The following RHOBTB1 variants were observed in gnomAD, a reference collection of about 807,000 sequenced individuals.
RHOBTB1 encodes the protein Rho related BTB domain containing 1.
A neutral mutation model predicts 71.6 loss-of-function variants in RHOBTB1; 40 were observed. The ratio of observed to expected loss-of-function variants is 0.56; its 90% CI spans 0.43 to 0.73. RHOBTB1 has a LOEUF of 0.73. RHOBTB1 is among the 30% of genes least tolerant of loss of function. The pLI is 0.00. For synonymous variants in RHOBTB1, 319 were observed against 334.9 expected, an observed-to-expected ratio of 0.95 and a Z score of 0.52; for missense variants, 797 against 894.0, an observed-to-expected ratio of 0.89 and a Z score of 1.38.
chr10:60,995,393 C>T (rs947527119), intron 1 of RHOBTB1, among the ~76,000 whole-genome samples: 26 of 152,156 alleles, frequency 1.7e-4, no homozygotes, highest in Admixed American at 1.7e-3. Context: ...AGTCTGGCTC[C>T]AGAGCACCCA....
intron 2 of RHOBTB1, among the ~76,000 whole-genome samples, chr10:60,916,660 C>A (rs1049851416): frequency 4.6e-5 from 7 of 152,178 alleles, no homozygotes; most frequent in Admixed American, 2.6e-4. Context: ...TCTTTACAGT[C>A]GCCCTCAATT....
chr10:60,889,296 CT>C, intron 5 of RHOBTB1, 111 bp from the exon 6 acceptor site: 1 of 1,109,532 alleles, frequency 9.0e-7, no homozygotes, highest in Non-Finnish European at 1.2e-6. Context: ...TCCAGTCAGG[CT>C]TTTAGTCTCT....
intron 1 of RHOBTB1, among the ~76,000 whole-genome samples, chr10:60,987,508 G>A (rs1195016425): frequency 6.6e-6 from 1 of 152,036 alleles, no homozygotes; most frequent in Admixed American, 6.6e-5. Flanking sequence ...CATACAAAAA[G>A]CCCTATTTCC....
intron 2 of RHOBTB1, among the ~76,000 whole-genome samples, chr10:60,914,182 A>G (rs978268095): frequency 5.3e-5 from 8 of 152,224 alleles, no homozygotes; most frequent in African/African-American, 9.7e-5. Flanking sequence ...AAGAAGACAG[A>G]AAAAGTTTTG....
chr10:60,915,436 G>A (rs2083218341), intron 2 of RHOBTB1, among the ~76,000 whole-genome samples: 1 of 151,812 alleles, frequency 6.6e-6, no homozygotes, highest in Admixed American at 6.6e-5. Flanking sequence ...AGACAAGGAA[G>A]GTAGAAAGAA....
intron 4 of RHOBTB1, among the ~76,000 whole-genome samples, chr10:60,903,358 T>C (rs527914231): frequency 6.6e-6 from 1 of 152,224 alleles, no homozygotes; most frequent in African/African-American, 2.4e-5. Context: ...GAATGGAGTC[T>C]CATGCCCATG....
intron 2 of RHOBTB1, among the ~76,000 whole-genome samples, chr10:60,949,773 C>G (rs2085351617): frequency 6.6e-6 from 1 of 150,416 alleles, no homozygotes; most frequent in Non-Finnish European, 1.5e-5. Context: ...TATGATTACC[C>G]ATTTAAAGAC....
chr10:60,914,679 C>T (rs553405665), intron 2 of RHOBTB1, among the ~76,000 whole-genome samples: 4 of 152,282 alleles, frequency 2.6e-5, no homozygotes, highest in South Asian at 4.1e-4. Flanking sequence ...ATGGCTGTGT[C>T]GCTTTCACTG....
At chr10:60,883,990 T>G (rs1351097171) in intron 7 of RHOBTB1, among the ~76,000 whole-genome samples, 3 of 152,150 alleles carry the variant, frequency 2.0e-5, no homozygotes, top group Non-Finnish European at 4.4e-5. Context: ...TCAGGAGAGA[T>G]TTTCATTAGT....
At chr10:60,989,358 T>C (rs1331566833) in intron 1 of RHOBTB1, among the ~76,000 whole-genome samples, 3 of 152,252 alleles carry the variant, frequency 2.0e-5, no homozygotes, top group East Asian at 1.9e-4. Flanking sequence ...ATTTATTTCA[T>C]TGCATAAGTA....
At chr10:60,978,987 A>G (rs771729942) in intron 2 of RHOBTB1, among the ~76,000 whole-genome samples, 1 of 152,166 alleles carries the variant, frequency 6.6e-6, no homozygotes, top group African/African-American at 2.4e-5. Context: ...ATCTCCCCCT[A>G]TGTATCATGT....
At chr10:60,970,072 T>G (rs1272658143) in intron 2 of RHOBTB1, among the ~76,000 whole-genome samples, 1 of 151,944 alleles carries the variant, frequency 6.6e-6, no homozygotes, top group African/African-American at 2.4e-5. Context: ...CACTCTCCAG[T>G]TGTATCTGGT....
the RHOBTB1 span, among the ~76,000 whole-genome samples, chr10:60,862,191 TTTTC>T: frequency 3.3e-5 from 5 of 150,818 alleles, no homozygotes; most frequent in East Asian, 3.9e-4. Context: ...CTTTTTTTTC[TTTTC>T]TTTCTTTCTT....
chr10:60,895,400 A>T (rs201223079), intron 4 of RHOBTB1, among the ~76,000 whole-genome samples: 2 of 74,188 alleles, frequency 2.7e-5, no homozygotes, highest in South Asian at 4.7e-4. Flanking sequence ...AAATAAGATT[A>T]TTTTTTATTT....
At chr10:60,901,145 C>T (rs1183414547) in intron 4 of RHOBTB1, among the ~76,000 whole-genome samples, 3 of 152,134 alleles carry the variant, frequency 2.0e-5, no homozygotes, top group Non-Finnish European at 4.4e-5. Context: ...AAAGCATAGT[C>T]AAGATGATAC....
chr10:60,899,795 A>T (rs1323878417), intron 4 of RHOBTB1, among the ~76,000 whole-genome samples: 1 of 152,248 alleles, frequency 6.6e-6, no homozygotes, highest in Non-Finnish European at 1.5e-5. Context: ...GTGAAGACAG[A>T]CAATCAAGAA....
In RHOBTB1 at chr10:60,886,100, G is replaced by A. The variant is rs1302884718; in HGVS notation, c.1575+12C>T. On this transcript the variant is annotated intron_variant, in intron 7 of 10. Transcript: ENST00000337910. Reference sequence around the variant, plus strand: ...CATAAAGACACCACTATGCTTTTAGGAAGGCACGTACCTCACTGTTGGCAC... The same window carrying A: ...CATAAAGACACCACTATGCTTTTAGAAAGGCACGTACCTCACTGTTGGCAC... 9.5e-6 allele frequency: 15 copies of A among 1,586,504 alleles called. No homozygotes were observed. The highest frequency in any genetic ancestry group is 8.8e-5 in the South Asian group (8 of 90,408).
rs554629903 is a variant in RHOBTB1 at position 60,971,768 on chromosome 10, T to C, written c.-62+14077A>G. Among the ~76,000 whole-genome samples, 4 of 152,220 alleles carry C rather than the reference T, an allele frequency of 2.6e-5. No individual in the cohort carries two copies. In the East Asian group the frequency reaches 7.7e-4, roughly 29 times the overall value. ...CAGAGTGAGCAGGCAACCTACAGAATAGGAGAAAAATTTTGCAATCTATCC... is the reference window on the plus strand; with the variant it reads ...CAGAGTGAGCAGGCAACCTACAGAACAGGAGAAAAATTTTGCAATCTATCC... On this transcript the variant is annotated intron_variant, in intron 2 of 11. Transcript: ENST00000357917.
chr10:60,873,710 A>G (rs540601592), intron 9 of RHOBTB1, among the ~76,000 whole-genome samples: 1 of 152,366 alleles, frequency 6.6e-6, no homozygotes, highest in South Asian at 2.1e-4. Flanking sequence ...CCAAGTGTGA[A>G]CAACCAGTTT....
Sources: allele counts gnomAD v4.1 joint callset (sites outside exome capture counted in the v4.1 genomes callset), GRCh38; gene constraint gnomAD v4.1.1; transcripts MANE v1.5; gene names NCBI Gene and HGNC (gene_info 2026-07-23, HGNC 2026-07-21).